DHRS4L2: variants seen among roughly 807,000 people sequenced by gnomAD.
DHRS4L2 encodes dehydrogenase/reductase SDR family member 4-like 2.
A neutral mutation model predicts 23.9 loss-of-function variants in DHRS4L2; 22 were observed. The observed-to-expected ratio is 0.92, with a 90% CI of 0.66 to 1.31. The LOEUF (loss-of-function observed/expected upper bound fraction) is 1.31. Among genes scored for constraint, DHRS4L2 ranks in the 40% most tolerant of loss-of-function variants. The pLI, the probability that DHRS4L2 is intolerant of heterozygous loss-of-function variation, is 0.00. For synonymous variants in DHRS4L2, 141 were observed against 123.7 expected, an observed-to-expected ratio of 1.14 and a Z score of -0.93; for missense variants, 385 against 303.3, an observed-to-expected ratio of 1.27 and a Z score of -2.00.
rs777766984 is a variant in DHRS4L2, at chr14:24,004,382, C to T, written c.*12C>T. The T allele has an allele frequency of 3.4e-5, 54 of 1,602,786 alleles. 2 individuals carry two copies. In the South Asian group the frequency reaches 3.4e-4, roughly 10 times the overall value. On this transcript the variant is annotated 3_prime_UTR_variant, in exon 7 of 8. Coordinates refer to ENST00000335125, the MANE Select transcript of DHRS4L2 (RefSeq NM_198083.4). ...AGAGGAAAGCATGAAAGAAACCCTGCGGATAAGAAGGTAAACTGTCATGAG... is the reference window on the plus strand; with the variant it reads ...AGAGGAAAGCATGAAAGAAACCCTGTGGATAAGAAGGTAAACTGTCATGAG...
chr14:23,979,104 T>C (rs1407973803), intron 1 of DHRS4L2, among the ~76,000 whole-genome samples: 1 of 145,314 alleles, frequency 6.9e-6, no homozygotes, highest in South Asian at 2.3e-4. Flanking sequence ...GGAGGAATAT[T>C]TACCAAGCAA....
At chr14:23,983,171 A>C (rs1416150431) in intron 1 of DHRS4L2, among the ~76,000 whole-genome samples, 1 of 151,754 alleles carries the variant, frequency 6.6e-6, no homozygotes, top group Non-Finnish European at 1.5e-5. Context: ...CAAAGAACTT[A>C]AACAAATTTA....
intron 2 of DHRS4L2, among the ~76,000 whole-genome samples, chr14:23,993,633 CCTCA>C (rs762424038): frequency 2.0e-5 from 3 of 151,688 alleles, no homozygotes; most frequent in Non-Finnish European, 2.9e-5. Context: ...CTAGCACACG[CCTCA>C]CTATCTACTT....
Position 24,006,316 on chromosome 14 carries a change from A to C in DHRS4L2, c.*453A>C. 2.9e-6 allele frequency: 1 copy of C among 340,000 alleles called. No individual in the cohort carries two copies. Among genetic ancestry groups the C allele is most frequent in the Non-Finnish European group, 5.4e-6 (1 of 186,068 alleles). The allele number at this position is 340,000 out of a possible 1,614,324, so 21.1% of individuals were successfully genotyped here. On this transcript the variant is annotated 3_prime_UTR_variant, in exon 8 of 8. Coordinates refer to ENST00000335125, the MANE Select transcript of DHRS4L2 (RefSeq NM_198083.4). ...GGAATCTGAGGGGTGATGGGAGAGA[A>C]GGAACCTGGAGTGGAAGGAGCAGAG...
Position 23,972,089 on chromosome 14 carries a change from CA to C in DHRS4L2, c.-176+1758del, listed in dbSNP as rs1401696246. On this transcript the variant is annotated intron_variant, in intron 1 of 5. Coordinates refer to the DHRS4L2 transcript ENST00000534993. The stretch of plus-strand genomic sequence containing the variant: ...TGTGCTGTATTCAGGAGACCCATCT[CA>C]CATGCAAAGACACACATAGGCCCAA... Among the ~76,000 whole-genome samples the C allele has an allele frequency of 1.3e-5, 2 of 152,020 alleles. 1 individual carries two copies. The highest frequency in any genetic ancestry group is 1.3e-4 in the Admixed American group (2 of 15,264).
At position 24,005,913 on chromosome 14, in the gene DHRS4L2, C is replaced by T. The variant is rs760890315; in HGVS notation, c.*50C>T. On this transcript the variant is annotated 3_prime_UTR_variant, in exon 8 of 8. Coordinates refer to ENST00000335125, the MANE Select transcript of DHRS4L2 (RefSeq NM_198083.4). Reference sequence around the variant, plus strand: ...TAGGCGAGCCAGAGGATTGTGCTGGCATCGTGTCTTTCCTGTGCTCTGAAG... The same window carrying T: ...TAGGCGAGCCAGAGGATTGTGCTGGTATCGTGTCTTTCCTGTGCTCTGAAG... The T allele has an allele frequency of 2.2e-5, 36 of 1,606,620 alleles. No individual in the cohort carries two copies. The Admixed American group carries it at 2.7e-4, about 12-fold the overall frequency.
In DHRS4L2 at chr14:23,992,645, A is replaced by G. The variant is rs1363585162; in HGVS notation, c.306+2286A>G. Among the ~76,000 whole-genome samples the G allele has an allele frequency of 3.3e-4, 50 of 151,448 alleles. No individual in the cohort carries two copies. The East Asian group carries it at 4.4e-3, about 13-fold the overall frequency. On this transcript the variant is annotated intron_variant, in intron 2 of 7. Coordinates refer to ENST00000335125, the MANE Select transcript of DHRS4L2 (RefSeq NM_198083.4). ...AGAACAAACAGCTCCTAACCGCTTTAGTGTAGTGATCACACAATTTAGAAT... is the reference window on the plus strand; with the variant it reads ...AGAACAAACAGCTCCTAACCGCTTTGGTGTAGTGATCACACAATTTAGAAT...
intron 1 of DHRS4L2, among the ~76,000 whole-genome samples, chr14:23,970,868 G>C (rs1594446980): frequency 6.6e-6 from 1 of 152,126 alleles, no homozygotes; most frequent in East Asian, 1.9e-4. Flanking sequence ...AACCCCCAAA[G>C]ACCTGCAGCT....
chr14:23,979,251 A>AAT (rs2034020297), intron 1 of DHRS4L2, among the ~76,000 whole-genome samples: 1 of 147,038 alleles, frequency 6.8e-6, no homozygotes, highest in Non-Finnish European at 1.5e-5. Flanking sequence ...AACTATCCTA[A>AAT]ATATATATGT....
intron 1 of DHRS4L2, among the ~76,000 whole-genome samples, chr14:23,982,296 C>G (rs936246846): frequency 6.6e-6 from 1 of 151,684 alleles, no homozygotes; most frequent in African/African-American, 2.4e-5. Context: ...ACATCCTGCA[C>G]AGCCCTAGAT....
intron 1 of DHRS4L2, among the ~76,000 whole-genome samples, chr14:23,976,613 C>A (rs2033972005): frequency 6.6e-6 from 1 of 151,678 alleles, no homozygotes; most frequent in Non-Finnish European, 1.5e-5. Context: ...GATATCTACC[C>A]AAAGGATCAT....
At position 23,974,351 on chromosome 14, in the gene DHRS4L2, G is replaced by A. The variant is rs569463473; in HGVS notation, c.-176+4019G>A. On this transcript the variant is annotated intron_variant, in intron 1 of 5. Transcript: ENST00000534993. Reference sequence around the variant, plus strand: ...AAAATTAAAAGAACTAGAGAAGCAAGAGCAAACAAATTCAAAAGCTAGCAG... The same window carrying A: ...AAAATTAAAAGAACTAGAGAAGCAAAAGCAAACAAATTCAAAAGCTAGCAG... 1.5e-4 allele frequency among the ~76,000 whole-genome samples: 23 copies of A among 151,380 alleles called. No homozygotes were observed. In the South Asian group the frequency reaches 4.6e-3, roughly 30 times the overall value.
Position 23,977,604 on chromosome 14 carries a change from A to G in DHRS4L2, c.-176+7272A>G, listed in dbSNP as rs545118660. Reference sequence around the variant, plus strand: ...TGTGGGAACCCCCAAAATCACTTTAAGCCTTGAGACGTGACTGTGATCTGA... The same window carrying G: ...TGTGGGAACCCCCAAAATCACTTTAGGCCTTGAGACGTGACTGTGATCTGA... On this transcript the variant is annotated intron_variant, in intron 1 of 5. Transcript: ENST00000534993. 4.0e-3 allele frequency among the ~76,000 whole-genome samples: 605 copies of G among 151,924 alleles called. 8 individuals carry two copies. The highest frequency in any genetic ancestry group is 4.3e-3 in the Non-Finnish European group (291 of 67,988).
intron 3 of DHRS4L2, among the ~76,000 whole-genome samples, chr14:24,000,011 T>G (rs1163269643): frequency 7.1e-6 from 1 of 141,112 alleles, no homozygotes; most frequent in East Asian, 2.0e-4. Context: ...TTTTTTTTTT[T>G]TAATTTACAT....
At chr14:23,988,355 G>C (rs1345797959), upstream of DHRS4L2, among the ~76,000 whole-genome samples, 3 of 148,004 alleles carry the variant, frequency 2.0e-5, no homozygotes, top group Admixed American at 6.9e-5. Context: ...CCAAGGGCCC[G>C]TGAAGATGGA....
upstream of DHRS4L2, among the ~76,000 whole-genome samples, chr14:23,987,873 G>A (rs542695618): frequency 7.3e-5 from 11 of 150,408 alleles, no homozygotes; most frequent in African/African-American, 2.5e-4. Flanking sequence ...GGTCTGTTGC[G>A]GCCTTTCTAC....
chr14:23,996,053 C>A (rs1235606502), intron 3 of DHRS4L2, among the ~76,000 whole-genome samples: 1 of 151,608 alleles, frequency 6.6e-6, no homozygotes, highest in Non-Finnish European at 1.5e-5. Context: ...AAAAAGGGAG[C>A]AAGTGTGTCA....
At chr14:23,986,577 C>T (rs1467018787), upstream of DHRS4L2, among the ~76,000 whole-genome samples, 2 of 151,180 alleles carry the variant, frequency 1.3e-5, no homozygotes, top group African/African-American at 4.9e-5. Context: ...CCTGCCCACA[C>T]AAGGAAGGGC....
chr14:24,001,211 G>A (rs933108330), intron 5 of DHRS4L2, 127 bp downstream of exon 5: 2 of 1,586,760 alleles, frequency 1.3e-6, no homozygotes, highest in African/African-American at 2.8e-5. Flanking sequence ...CCACAAAATA[G>A]ATGCCTTGCC....
Sources: allele counts gnomAD v4.1 joint callset (sites outside exome capture counted in the v4.1 genomes callset), GRCh38; gene constraint gnomAD v4.1.1; transcripts MANE v1.5; gene names NCBI Gene and HGNC (gene_info 2026-07-23, HGNC 2026-07-21).